METTL3: variants seen among roughly 807,000 people sequenced by gnomAD.
The protein encoded by METTL3 is N(6)-adenosine-methyltransferase catalytic subunit METTL3.
Under a neutral mutation model 64.3 loss-of-function variants are expected in METTL3, and 42 were observed. The ratio of observed to expected loss-of-function variants is 0.65; its 90% CI spans 0.51 to 0.84. The LOEUF (loss-of-function observed/expected upper bound fraction) is 0.84. Ranked by LOEUF, METTL3 falls within the 40% of genes least tolerant of loss-of-function variation. The probability of loss-of-function intolerance (pLI) is 0.00; values close to 1 mark genes in which losing one functional copy is unlikely to be tolerated. For missense variants in METTL3, 435 were observed against 722.3 expected (o/e 0.60, Z 4.56); for synonymous variants, 256 against 263.6 (o/e 0.97, Z 0.28).
Position 21,498,290 on chromosome 14 carries a change from C to G in METTL3, c.1711G>C (p.Asp571His). 6.2e-7 allele frequency: 1 copy of G among 1,612,776 alleles called. No homozygotes were observed. The highest frequency in any genetic ancestry group is 8.5e-7 in the Non-Finnish European group (1 of 1,178,724). ...VVARFKQRYP[D>H]GIISKPKNL is the part of the protein sequence containing the mutation. Reference sequence around the variant, plus strand: ...TTCTTAGGTTTAGAGATGATACCATCTGGGTACCTTTGCTTGAACCGTGCA... The same window carrying G: ...TTCTTAGGTTTAGAGATGATACCATGTGGGTACCTTTGCTTGAACCGTGCA... The change falls in exon 11 of 11, where the codon GAT (aspartate) becomes CAT (histidine). Residue 571 changes from aspartate (D) to histidine (H), a missense_variant. Transcript: ENST00000298717.
At chr14:21,505,372 T>C (rs1174467091) in intron 1 of METTL3, among the ~76,000 whole-genome samples, 1 of 152,232 alleles carries the variant, frequency 6.6e-6, no homozygotes, top group Non-Finnish European at 1.5e-5. Flanking sequence ...CCTTACAAGT[T>C]GGTATTGACT....
At position 21,507,968 on chromosome 14, in the gene METTL3, A is replaced by G. The variant is rs1891739321; in HGVS notation, c.100+3156T>C. The G allele has an allele frequency of 3.3e-5, 5 of 152,180 alleles. No individual in the cohort carries two copies. In the South Asian group the frequency reaches 1.0e-3, roughly 32 times the overall value. The allele number at this position is 152,180 out of a possible 1,614,324, so 9.4% of individuals were successfully genotyped here. A position where few individuals can be genotyped will look rare whatever the true frequency, so the allele number is the denominator to read the frequency against. ...TTACAACCCCAAAAATACTTTTATA[A>G]GAGTCTTAACTAGACTGGGATTACA... On this transcript the variant is annotated intron_variant, in intron 1 of 10. Transcript: ENST00000298717.
At chr14:21,500,798 A>C in intron 5 of METTL3, 115 bp downstream of exon 5, 2 of 1,411,732 alleles carry the variant, frequency 1.4e-6, no homozygotes, top group South Asian at 2.7e-5. Context: ...ATCCCCCTCC[A>C]TTCCCAATAA....
intron 1 of METTL3, 111 bp downstream of exon 1, chr14:21,511,013 G>A: frequency 7.9e-7 from 1 of 1,270,102 alleles, no homozygotes; most frequent in South Asian, 1.5e-5. Flanking sequence ...AATGTACGAG[G>A]CTTTATAGAA....
At chr14:21,504,976 A>T (rs965742620) in intron 1 of METTL3, 6 of 151,846 alleles carry the variant, frequency 4.0e-5, no homozygotes, top group African/African-American at 1.5e-4. Flanking sequence ...TAATTTGAAA[A>T]TTTTCCACTC....
chr14:21,501,883 C>G lies in METTL3; in HGVS notation c.744G>C (p.Glu248Asp). Reference protein sequence around the residue: ...QSKKVSQEILELLNTTTAKEQ... With the variant: ...QSKKVSQEILDLLNTTTAKEQ... ...CCTTGGCTGTTGTAGTATTTAATAGCTCTAGGATCTCCTGACTGACCTGTG... is the reference window on the plus strand; with the variant it reads ...CCTTGGCTGTTGTAGTATTTAATAGGTCTAGGATCTCCTGACTGACCTGTG... The change falls in exon 4 of 11, where the codon GAG (glutamate) becomes GAC (aspartate). Residue 248 changes from glutamate to aspartate, a missense_variant. Physicochemically the swap from Glu to Asp is conservative, Grantham distance 45. Coordinates refer to ENST00000298717, the MANE Select transcript of METTL3 (RefSeq NM_019852.5). 1.2e-6 allele frequency: 2 copies of G among 1,614,142 alleles called. No individual in the cohort carries two copies. Among genetic ancestry groups the G allele is most frequent in the Non-Finnish European group, 1.7e-6 (2 of 1,180,010 alleles).
At chr14:21,509,787 C>A (rs1891785663) in intron 1 of METTL3, among the ~76,000 whole-genome samples, 1 of 152,066 alleles carries the variant, frequency 6.6e-6, no homozygotes, top group African/African-American at 2.4e-5. Flanking sequence ...GGGGAAAAAA[C>A]ATAACAAAAC....
rs554646218 is a variant in METTL3, at chr14:21,502,964, T to C, written c.723+209A>G. ...GATGTTTGACAACATCCCTGGCCTC[T>C]ACCCCCACTAGATGCCAATAGCACT... On this transcript the variant is annotated intron_variant, in intron 3 of 10. Transcript: ENST00000298717. 34 of 577,174 alleles carry C rather than the reference T, an allele frequency of 5.9e-5. No individual in the cohort carries two copies. The African/African-American group carries it at 6.1e-4, about 10-fold the overall frequency. 35.8% of individuals were successfully genotyped at this position (577,174 alleles called of 1,614,324 possible).
In METTL3 at chr14:21,503,956, C is replaced by T. The variant is rs1261754764; in HGVS notation, c.101-75G>A. ...ATATATTTCTGAGAAGTCAAATTCT[C>T]TAGCATTCCCATACACAGATCTTTC... On this transcript the variant is annotated intron_variant, in intron 1 of 10. Transcript: ENST00000298717. The T allele has an allele frequency of 2.9e-6, 4 of 1,361,806 alleles. No individual in the cohort carries two copies. The Admixed American group carries it at 7.8e-5, about 27-fold the overall frequency. 84.4% of individuals were successfully genotyped at this position (1,361,806 alleles called of 1,614,324 possible). A position where few individuals can be genotyped will look rare whatever the true frequency, so the allele number is the denominator to read the frequency against.
At chr14:21,504,103 G>C (rs1450927703) in intron 1 of METTL3, 2 of 534,082 alleles carry the variant, frequency 3.7e-6, no homozygotes, top group Non-Finnish European at 6.7e-6. Context: ...TCTCTATTGA[G>C]TGAGTAATCT....
rs1428313347 is a variant in METTL3 at position 21,500,681 on chromosome 14, C to G, written c.1118G>C (p.Trp373Ser). The change falls in exon 6 of 11, where the codon TGG becomes TCG. Residue 373 changes from tryptophan (W) to serine (S), a missense_variant and splice_region_variant. Trp to Ser is a radical substitution (Grantham distance 177). Coordinates refer to ENST00000298717, the MANE Select transcript of METTL3 (RefSeq NM_019852.5). ...SSADRLFPPQ[W>S]ICCDIRYLDV... ...CAGGTAGCGGATATCACAACAGATC[C>G]ACTGCATAAAGTGGTATTTGGTCAT... 3 of 1,611,876 alleles carry G rather than the reference C, an allele frequency of 1.9e-6. No homozygotes were observed. Among genetic ancestry groups the G allele is most frequent in the Non-Finnish European group, 2.5e-6 (3 of 1,178,508 alleles).
At chr14:21,502,012 C>CTTTATT in intron 3 of METTL3, 109 bp from the exon 4 acceptor site, 1 of 457,332 alleles carries the variant, frequency 2.2e-6, no homozygotes, top group Admixed American at 4.7e-5. Context: ...GATAAATCAA[C>CTTTATT]TTTTTTTTTT....
intron 1 of METTL3, among the ~76,000 whole-genome samples, chr14:21,506,855 G>A (rs1192243308): frequency 6.6e-6 from 1 of 152,060 alleles, no homozygotes; most frequent in Admixed American, 6.6e-5. Flanking sequence ...AACCCTGTTG[G>A]GCGTTTTGCC....
intron 1 of METTL3, 89 bp from the exon 2 acceptor site, chr14:21,503,970 CACAG>C: frequency 1.7e-6 from 2 of 1,197,758 alleles, no homozygotes; most frequent in Non-Finnish European, 2.4e-6. Context: ...CATTCCCATA[CACAG>C]ATCTTTCATT....
In METTL3 at chr14:21,500,954, C is replaced by T; in HGVS notation, c.1075G>A (p.Val359Ile). 6.2e-7 allele frequency: 1 copy of T among 1,614,140 alleles called. No individual in the cohort carries two copies. The highest frequency in any genetic ancestry group is 8.5e-7 in the Non-Finnish European group (1 of 1,180,006). ...PSQELALTQS[V>I]GGDSSADRLF... ...CGGTCTGCACTGGAATCACCTCCGACACTCTGTGTAAGAGCAAGCTCCTGG... is the reference window on the plus strand; with the variant it reads ...CGGTCTGCACTGGAATCACCTCCGATACTCTGTGTAAGAGCAAGCTCCTGG... Residue 359 changes from valine (V) to isoleucine (I), a missense_variant, in exon 5 of 11, where the codon GTC becomes ATC. Physicochemically the swap from Val to Ile is conservative, Grantham distance 29. Transcript: ENST00000298717.
intron 10 of METTL3, chr14:21,498,822 CT>C: frequency 1.8e-6 from 1 of 558,136 alleles, no homozygotes; most frequent in Non-Finnish European, 3.2e-6. Context: ...GGGAGCAGTG[CT>C]TTTGGGTCCT....
intron 1 of METTL3, among the ~76,000 whole-genome samples, chr14:21,505,806 C>T (rs891790781): frequency 6.6e-6 from 1 of 152,242 alleles, no homozygotes; most frequent in African/African-American, 2.4e-5. Context: ...GCTGCAACTA[C>T]ACTGACATTC....
intron 4 of METTL3, 63 bp from the exon 5 acceptor site, chr14:21,501,192 C>T: frequency 7.9e-7 from 1 of 1,268,772 alleles, no homozygotes; most frequent in South Asian, 1.3e-5. Flanking sequence ...AGTTCAAATT[C>T]CAAATGATTT....
At chr14:21,510,273 G>A (rs1891800612) in intron 1 of METTL3, among the ~76,000 whole-genome samples, 1 of 152,204 alleles carries the variant, frequency 6.6e-6, no homozygotes, top group South Asian at 2.1e-4. Flanking sequence ...GATCCTGCCA[G>A]TGCATCTTCT....
Sources: allele counts gnomAD v4.1 joint callset (sites outside exome capture counted in the v4.1 genomes callset), GRCh38; gene constraint gnomAD v4.1.1; transcripts MANE v1.5; gene names NCBI Gene and HGNC (gene_info 2026-07-23, HGNC 2026-07-21).